LINGO2: variants seen among roughly 807,000 people sequenced by gnomAD.
LINGO2 encodes leucine-rich repeat and immunoglobulin-like domain-containing nogo receptor-interacting protein 2.
LINGO2 carries 14 observed loss-of-function variants against 30.6 expected under a neutral mutation model. The ratio of observed to expected loss-of-function variants is 0.46; its 90% CI spans 0.30 to 0.72. The LOEUF (loss-of-function observed/expected upper bound fraction) is 0.72. Ranked by LOEUF, LINGO2 falls within the 30% of genes least tolerant of loss-of-function variation. The probability of loss-of-function intolerance (pLI) is 0.07; values close to 1 mark genes in which losing one functional copy is unlikely to be tolerated. For missense variants in LINGO2, 729 were observed against 751.7 expected (o/e 0.97, Z 0.35); for synonymous variants, 317 against 288.5 (o/e 1.10, Z -1.00).
intron 4 of LINGO2, among the ~76,000 whole-genome samples, chr9:28,068,169 G>T (rs1825369758): frequency 1.3e-5 from 2 of 152,096 alleles, no homozygotes. Context: ...CATATACACT[G>T]TCTTAGTCAG....
At chr9:28,410,734 A>G (rs1822728121) in intron 2 of LINGO2, among the ~76,000 whole-genome samples, 1 of 152,154 alleles carries the variant, frequency 6.6e-6, no homozygotes, top group Non-Finnish European at 1.5e-5. Flanking sequence ...TGCACTGTGT[A>G]TGTTTTACTT....
rs1364134154 is a variant in LINGO2, at chr9:28,506,483, C to CAT, written c.-364-30459_-364-30458insAT. Among the ~76,000 whole-genome samples, 120 of 23,924 alleles carry CAT rather than the reference C, an allele frequency of 5.0e-3. 1 individual carries two copies. The highest frequency in any genetic ancestry group is 6.4e-3 in the African/African-American group (55 of 8,530). 15.7% of individuals were successfully genotyped at this position (23,924 alleles called of 152,430 possible). A position where few individuals can be genotyped will look rare whatever the true frequency, so the allele number is the denominator to read the frequency against. ...ACACATACACACACACACACACATA[C>CAT]ACATACACACACACACACAGACATA... On this transcript the variant is annotated intron_variant, in intron 1 of 5. Coordinates refer to ENST00000379992, the Ensembl canonical transcript of LINGO2.
chr9:29,163,664 T>C, the LINGO2 span, among the ~76,000 whole-genome samples: 5 of 152,160 alleles, frequency 3.3e-5, no homozygotes, highest in African/African-American at 1.2e-4. Flanking sequence ...TTCTAAGCCA[T>C]AAGACTATGA....
intron 2 of LINGO2, among the ~76,000 whole-genome samples, chr9:28,440,773 C>A (rs1352513424): frequency 6.6e-6 from 1 of 152,200 alleles, no homozygotes. Flanking sequence ...AAACATACTA[C>A]ATATGCCTCA....
chr9:28,986,913 C>T, the LINGO2 span, among the ~76,000 whole-genome samples: 1 of 151,938 alleles, frequency 6.6e-6, no homozygotes, highest in African/African-American at 2.4e-5. Context: ...AGTTGGAGAA[C>T]ATCTGTGTAT....
the LINGO2 span, among the ~76,000 whole-genome samples, chr9:28,885,680 T>G: frequency 6.6e-6 from 1 of 152,138 alleles, no homozygotes; most frequent in Non-Finnish European, 1.5e-5. Flanking sequence ...ATTATGGAAC[T>G]AATTGCAATG....
At chr9:28,883,626 G>GTATA in the LINGO2 span, among the ~76,000 whole-genome samples, 15 of 25,654 alleles carry the variant, frequency 5.8e-4, no homozygotes, top group African/African-American at 1.4e-3. Context: ...ATATGTGTGT[G>GTATA]TGTATATATA....
chr9:28,288,300 G>A (rs1004731297), intron 4 of LINGO2, among the ~76,000 whole-genome samples: 2 of 151,982 alleles, frequency 1.3e-5, no homozygotes, highest in Non-Finnish European at 2.9e-5. Flanking sequence ...ACATAATGGC[G>A]ACTTTGTCAG....
At chr9:28,015,900 C>A (rs1822808523) in intron 4 of LINGO2, among the ~76,000 whole-genome samples, 1 of 149,616 alleles carries the variant, frequency 6.7e-6, no homozygotes, top group African/African-American at 2.5e-5. Context: ...GAGAGCAAAG[C>A]ACTTGAACTC....
At chr9:28,285,174 G>C (rs1212562344) in intron 4 of LINGO2, among the ~76,000 whole-genome samples, 1 of 152,076 alleles carries the variant, frequency 6.6e-6, no homozygotes, top group Non-Finnish European at 1.5e-5. Context: ...TTAAACAAAT[G>C]AACTTCTAGG....
At chr9:28,345,125 C>T (rs1486226591) in intron 3 of LINGO2, among the ~76,000 whole-genome samples, 2 of 151,686 alleles carry the variant, frequency 1.3e-5, no homozygotes, top group Non-Finnish European at 2.9e-5. Context: ...TTAAGAAGTA[C>T]CTTGGAATAG....
chr9:28,751,133 G>A, the LINGO2 span, among the ~76,000 whole-genome samples: 1 of 151,398 alleles, frequency 6.6e-6, no homozygotes, highest in African/African-American at 2.4e-5. Context: ...ATATAAAAAT[G>A]TTAGCTGGAT....
At chr9:27,971,260 G>GT (rs1346527473) in intron 5 of LINGO2, among the ~76,000 whole-genome samples, 2 of 148,844 alleles carry the variant, frequency 1.3e-5, no homozygotes, top group East Asian at 2.0e-4. Context: ...TATTTCTTCT[G>GT]TTTTTTTCTT....
the LINGO2 span, among the ~76,000 whole-genome samples, chr9:28,797,766 G>T: frequency 6.6e-6 from 1 of 152,076 alleles, no homozygotes; most frequent in Admixed American, 6.6e-5. Flanking sequence ...GAGTTAAAAA[G>T]TTGATGATAA....
chr9:29,206,331 G>T, the LINGO2 span, among the ~76,000 whole-genome samples: 1 of 152,064 alleles, frequency 6.6e-6, no homozygotes, highest in Non-Finnish European at 1.5e-5. Context: ...TACTTAAATT[G>T]CATGTTAGAT....
chr9:28,595,315 T>C (rs944840593), intron 1 of LINGO2, among the ~76,000 whole-genome samples: 9 of 152,114 alleles, frequency 5.9e-5, no homozygotes, highest in African/African-American at 2.2e-4. Flanking sequence ...TTGTTTAGTG[T>C]ATGTTGAGCT....
chr9:28,752,910 T>C, the LINGO2 span, among the ~76,000 whole-genome samples: 1 of 152,112 alleles, frequency 6.6e-6, no homozygotes, highest in South Asian at 2.1e-4. Flanking sequence ...TTATAATATA[T>C]AATATGGAGA....
the LINGO2 span, among the ~76,000 whole-genome samples, chr9:29,165,685 T>C: frequency 1.3e-5 from 2 of 152,088 alleles, no homozygotes; most frequent in African/African-American, 2.4e-5. Context: ...GGATCTACTC[T>C]TTTTATTGCA....
the LINGO2 span, among the ~76,000 whole-genome samples, chr9:28,925,344 A>G: frequency 6.6e-6 from 1 of 152,038 alleles, no homozygotes; most frequent in Non-Finnish European, 1.5e-5. Flanking sequence ...TAACGATAGG[A>G]GTTTTGGGCC....
Sources: allele counts gnomAD v4.1 joint callset (sites outside exome capture counted in the v4.1 genomes callset), GRCh38; gene constraint gnomAD v4.1.1; transcripts MANE v1.5; gene names NCBI Gene and HGNC (gene_info 2026-07-23, HGNC 2026-07-21).